Variants in CFAP65 observed in about 807,000 individuals in gnomAD.
The protein encoded by CFAP65 is cilia- and flagella-associated protein 65.
In CFAP65, 155 loss-of-function variants were observed where a neutral mutation model predicts 208.0. That is an observed-to-expected ratio of 0.75 (90% CI 0.65 to 0.85). The LOEUF is 0.85. CFAP65 is among the 40% of genes least tolerant of loss of function. The pLI, the probability that CFAP65 is intolerant of heterozygous loss-of-function variation, is 0.00. For synonymous variants in CFAP65, 970 were observed against 986.3 expected, an observed-to-expected ratio of 0.98 and a Z score of 0.31; for missense variants, 2,294 against 2,451.3, an observed-to-expected ratio of 0.94 and a Z score of 1.36.
intron 27 of CFAP65, 96 bp downstream of exon 27, chr2:219,009,846 G>A: frequency 8.8e-7 from 1 of 1,136,388 alleles, no homozygotes; most frequent in South Asian, 1.8e-5. Context: ...TTTGTGGGGT[G>A]GGATGGGATG....
In CFAP65 at chr2:219,030,961, G is replaced by A. The variant is rs547229449; in HGVS notation, c.1016-127C>T. 63 of 1,442,648 alleles carry A rather than the reference G, an allele frequency of 4.4e-5. No homozygotes were observed. In the African/African-American group the frequency reaches 8.5e-4, roughly 19 times the overall value. The allele number at this position is 1,442,648 out of a possible 1,614,324, so 89.4% of individuals were successfully genotyped here. A position where few individuals can be genotyped will look rare whatever the true frequency, so the allele number is the denominator to read the frequency against. ...GCCTGTAACATCATGGAAGACAAAAGGCAAAGCCTTCTGGGCTTGGGGGAG... is the reference window on the plus strand; with the variant it reads ...GCCTGTAACATCATGGAAGACAAAAAGCAAAGCCTTCTGGGCTTGGGGGAG... On this transcript the variant is annotated intron_variant, in intron 8 of 34. Coordinates refer to ENST00000341552, the MANE Select transcript of CFAP65 (RefSeq NM_194302.4).
intron 5 of CFAP65, among the ~76,000 whole-genome samples, chr2:219,033,346 C>T (rs1477837648): frequency 6.6e-6 from 1 of 152,020 alleles, no homozygotes; most frequent in African/African-American, 2.4e-5. Context: ...CATGGTGGTG[C>T]ATGCCTACAG....
In CFAP65 at chr2:219,022,137, C is replaced by G. The variant is rs775980699; in HGVS notation, c.2979+34G>C. The stretch of plus-strand genomic sequence containing the variant: ...CCCTCCCACCTGTCCGGGCCTCTCC[C>G]CCAGCCCCCTCCTGCCAGAGCCCTC... On this transcript the variant is annotated intron_variant, in intron 17 of 34. Coordinates refer to ENST00000341552, the MANE Select transcript of CFAP65 (RefSeq NM_194302.4). 1.6e-5 allele frequency: 24 copies of G among 1,535,972 alleles called. No homozygotes were observed. The African/African-American group carries it at 2.7e-4, about 17-fold the overall frequency.
At chr2:219,013,446 C>T in intron 23 of CFAP65, 73 bp downstream of exon 23, 8 of 1,546,588 alleles carry the variant, frequency 5.2e-6, no homozygotes, top group South Asian at 1.2e-5. Context: ...GAGAACACAG[C>T]TCCCTGCTCC....
At chr2:219,027,089 G>A in intron 13 of CFAP65, 1 of 1,044,608 alleles carries the variant, frequency 9.6e-7, no homozygotes, top group Non-Finnish European at 1.2e-6. Context: ...CAGTGGGGTG[G>A]GCAGAGTCAA....
Position 219,031,323 on chromosome 2 carries a change from G to A in CFAP65, c.816-18C>T. On this transcript the variant is annotated intron_variant, in intron 7 of 34. Coordinates refer to ENST00000341552, the MANE Select transcript of CFAP65 (RefSeq NM_194302.4). The surrounding 1 kb of genome is among the most constrained non-coding windows in gnomAD (Gnocchi z 5.2). ...GCAGGTCCCTGGGGGTGGGGGGCAG[G>A]TCAGGGCACTGGGCTCCCGGCCCCT... is the stretch of plus-strand genomic sequence containing the variant. 1 of 1,612,368 alleles carries A rather than the reference G, an allele frequency of 6.2e-7. No homozygotes were observed. The highest frequency in any genetic ancestry group is 8.5e-7 in the Non-Finnish European group (1 of 1,178,714).
In CFAP65 at chr2:219,031,736, C is replaced by A. The variant is rs1040498302; in HGVS notation, c.646-78G>T. ...TGCACATCCCGCCCACCCTCAGCCACCCCCAACACAACCGCTGAGGGGAGG... is the reference window on the plus strand; with the variant it reads ...TGCACATCCCGCCCACCCTCAGCCAACCCCAACACAACCGCTGAGGGGAGG... On this transcript the variant is annotated intron_variant, in intron 6 of 34. Transcript: ENST00000341552. This position sits in a 1 kb window ranked among gnomAD's most constrained non-coding sequence, Gnocchi z 5.2. 83 of 1,515,980 alleles carry A rather than the reference C, an allele frequency of 5.5e-5. No homozygotes were observed. The highest frequency in any genetic ancestry group is 7.3e-5 in the Non-Finnish European group (82 of 1,124,836). 93.9% of individuals were successfully genotyped at this position (1,515,980 alleles called of 1,614,324 possible).
intron 4 of CFAP65, among the ~76,000 whole-genome samples, chr2:219,036,246 T>C (rs1283657746): frequency 1.3e-5 from 2 of 152,148 alleles, no homozygotes; most frequent in African/African-American, 4.8e-5. Flanking sequence ...CTCCTGGTGA[T>C]TGATGCTAGT....
chr2:219,020,958 G>A (rs1323280112), intron 19 of CFAP65, among the ~76,000 whole-genome samples, 194 bp downstream of exon 19: 3 of 152,206 alleles, frequency 2.0e-5, no homozygotes, highest in Admixed American at 6.5e-5. Context: ...CTGGGCACAT[G>A]CACATATGGA....
intron 18 of CFAP65, among the ~76,000 whole-genome samples, chr2:219,021,522 C>G (rs1559138115): frequency 6.6e-6 from 1 of 152,274 alleles, no homozygotes; most frequent in South Asian, 2.1e-4. Context: ...CACCTGGTGC[C>G]CCTTTTAACA....
chr2:219,018,945 C>A, intron 21 of CFAP65, 106 bp downstream of exon 21: 1 of 1,486,080 alleles, frequency 6.7e-7, no homozygotes, highest in East Asian at 2.3e-5. Flanking sequence ...TCTTCACAGA[C>A]AGCAAGCAGC....
intron 29 of CFAP65, among the ~76,000 whole-genome samples, 188 bp from the exon 30 acceptor site, chr2:219,006,697 G>A (rs1319029783): frequency 1.3e-5 from 2 of 152,136 alleles, no homozygotes; most frequent in African/African-American, 2.4e-5. Context: ...AGTCAGATGC[G>A]GTAGCACGTG....
At position 219,002,905 on chromosome 2, in the gene CFAP65, A is replaced by C; in HGVS notation, c.*32T>G. 6.5e-7 allele frequency: 1 copy of C among 1,544,340 alleles called. No homozygotes were observed. The highest frequency in any genetic ancestry group is 8.8e-7 in the Non-Finnish European group (1 of 1,137,850). Reference sequence around the variant, plus strand: ...GGAGAGGGGGCCAGGCGTGACCCCTAGCGGCATGTCGGAGAGGCTGGGCGC... The same window carrying C: ...GGAGAGGGGGCCAGGCGTGACCCCTCGCGGCATGTCGGAGAGGCTGGGCGC... On this transcript the variant is annotated 3_prime_UTR_variant, in exon 35 of 35. Coordinates refer to ENST00000341552, the MANE Select transcript of CFAP65 (RefSeq NM_194302.4). The surrounding 1 kb of genome is among the most constrained non-coding windows in gnomAD (Gnocchi z 7.9).
chr2:219,009,040 T>G lies in CFAP65; in HGVS notation c.4674+7A>C, dbSNP rs1946237387. 1.2e-6 allele frequency: 2 copies of G among 1,605,080 alleles called. No homozygotes were observed. Among genetic ancestry groups the G allele is most frequent in the Non-Finnish European group, 1.7e-6 (2 of 1,172,850 alleles). On this transcript the variant is annotated splice_region_variant and intron_variant, in intron 29 of 34. Coordinates refer to ENST00000341552, the MANE Select transcript of CFAP65 (RefSeq NM_194302.4). ...TGGGTGTTTGAGATCTACTCAGCCC[T>G]CCTCACCTTCACTTTCATGTCGGTG...
chr2:219,015,709 G>A (rs1386332989), intron 21 of CFAP65: 1 of 151,490 alleles, frequency 6.6e-6, no homozygotes, highest in Non-Finnish European at 1.5e-5. Context: ...GCATGCTTAT[G>A]TGCACGCAAC....
intron 4 of CFAP65, among the ~76,000 whole-genome samples, chr2:219,036,092 A>G (rs1948339921): frequency 6.6e-6 from 1 of 152,094 alleles, no homozygotes; most frequent in Non-Finnish European, 1.5e-5. Context: ...AGAGCAGTCT[A>G]TCCCAGGCCC....
chr2:219,020,556 T>C (rs1689482065), intron 19 of CFAP65, among the ~76,000 whole-genome samples: 1 of 149,576 alleles, frequency 6.7e-6, no homozygotes, highest in Non-Finnish European at 1.5e-5. Flanking sequence ...AATACTTTTA[T>C]TTTTGTAGAG....
rs1948302452 is a variant in CFAP65 at position 219,035,478 on chromosome 2, A to C, written c.542+2T>G. The C allele has an allele frequency of 1.2e-6, 2 of 1,613,810 alleles. No individual in the cohort carries two copies. The highest frequency in any genetic ancestry group is 3.3e-5 in the Admixed American group (2 of 59,992). ...TGGGTCCTTGATCCCTTATACTGGT[A>C]CCTGTACTTCATCTTCTGGAGTTTC... On this transcript the variant is annotated splice_donor_variant, in intron 5 of 34. Transcript: ENST00000341552. LOFTEE classifies it high-confidence loss of function.
intron 11 of CFAP65, 110 bp from the exon 12 acceptor site, chr2:219,028,511 TG>T: frequency 1.1e-6 from 1 of 937,462 alleles, no homozygotes; most frequent in Non-Finnish European, 1.7e-6. Flanking sequence ...ACAGAGGCAG[TG>T]GGGCAGAAGC....
Sources: allele counts gnomAD v4.1 joint callset (sites outside exome capture counted in the v4.1 genomes callset), GRCh38; gene constraint gnomAD v4.1.1; non-coding constraint Gnocchi (gnomAD v3.1); transcripts MANE v1.5; gene names NCBI Gene and HGNC (gene_info 2026-07-23, HGNC 2026-07-21).